Variants in PRDM12 observed in about 807,000 individuals in gnomAD.
PRDM12 encodes the protein PR/SET domain 12, also known as PR domain zinc finger protein 12.
In PRDM12, 17 loss-of-function variants were observed where a neutral mutation model predicts 29.6. The ratio of observed to expected loss-of-function variants is 0.57; its 90% CI spans 0.39 to 0.86. The LOEUF (loss-of-function observed/expected upper bound fraction) is 0.86, where lower values mean the gene tolerates loss of function less well. Among genes scored for constraint, PRDM12 ranks in the 40% least tolerant of loss-of-function variants. The pLI, the probability that PRDM12 is intolerant of heterozygous loss-of-function variation, is 0.00. For missense variants in PRDM12, 422 were observed against 510.8 expected (o/e 0.83, Z 1.68); for synonymous variants, 231 against 225.8 (o/e 1.02, Z -0.21).
rs553812619 is a variant in PRDM12 at position 130,667,542 on chromosome 9, C to T, written c.415-616C>T. Among the ~76,000 whole-genome samples, 19 of 149,790 alleles carry T rather than the reference C, an allele frequency of 1.3e-4. No homozygotes were observed. In the East Asian group the frequency reaches 1.6e-3, roughly 13 times the overall value. On this transcript the variant is annotated intron_variant, in intron 2 of 4. Transcript: ENST00000253008. ...GCTCCCCCACTCCAGCTCCCCCCGGCGGACCCTGGAGAAGCCCAACTTGAT... is the reference window on the plus strand; with the variant it reads ...GCTCCCCCACTCCAGCTCCCCCCGGTGGACCCTGGAGAAGCCCAACTTGAT...
Position 130,668,134 on chromosome 9 carries a change from G to A in PRDM12, c.415-24G>A. On this transcript the variant is annotated intron_variant, in intron 2 of 4. Transcript: ENST00000253008. The surrounding 1 kb of genome is among the most constrained non-coding windows in gnomAD (Gnocchi z 4.0). ...CACATGGCATAGCCCTGCCTTACCTGGTCCTTGATCCATCTGTGCCCAGGT... is the reference window on the plus strand; with the variant it reads ...CACATGGCATAGCCCTGCCTTACCTAGTCCTTGATCCATCTGTGCCCAGGT... 6.2e-7 allele frequency: 1 copy of A among 1,613,272 alleles called. No homozygotes were observed. Among genetic ancestry groups the A allele is most frequent in the Middle Eastern group, 1.7e-4 (1 of 6,058 alleles).
At chr9:130,665,769 C>A (rs1866974) in intron 1 of PRDM12, among the ~76,000 whole-genome samples, 62,113 of 152,060 alleles carry the variant, frequency 0.41, 12,976 homozygotes, top group East Asian at 0.71. Context: ...TTTAACCCCC[C>A]CCTTTCAGCC....
In PRDM12 at chr9:130,681,551, C is replaced by T. The variant is rs1238828425; in HGVS notation, c.986C>T (p.Ala329Val). ...GCGCGGCACCGGCCGCCCAGCACCGCGCTGCAGGCACACTCGCCCGCGCTG... is the reference window on the plus strand; with the variant it reads ...GCGCGGCACCGGCCGCCCAGCACCGTGCTGCAGGCACACTCGCCCGCGCTG... Reference protein sequence around the residue: ...KSARHRPPSTALQAHSPALPA... With the variant: ...KSARHRPPSTVLQAHSPALPA... Residue 329 changes from alanine (A) to valine (V), a missense_variant, in exon 5 of 5, where the codon GCG (alanine) becomes GTG (valine). Physicochemically the swap from Ala to Val is moderately conservative, Grantham distance 64. Around this residue, in one of 5 missense-constraint regions of PRDM12, gnomAD observed 66 missense variants for 61.5 expected, o/e 1.07. Transcript: ENST00000253008. The surrounding 1 kb of genome is among the most constrained non-coding windows in gnomAD (Gnocchi z 8.1). 8.0e-7 allele frequency: 1 copy of T among 1,248,172 alleles called. No individual in the cohort carries two copies. The highest frequency in any genetic ancestry group is 1.0e-6 in the Non-Finnish European group (1 of 995,174). 77.3% of individuals were successfully genotyped at this position (1,248,172 alleles called of 1,614,324 possible).
At chr9:130,680,659 A>ATATATATATATATATAT in intron 4 of PRDM12, among the ~76,000 whole-genome samples, 22 of 72,166 alleles carry the variant, frequency 3.0e-4, no homozygotes, top group East Asian at 1.3e-3. Context: ...ATATATATAT[A>ATATATATATATATATAT]TTTTTTTTTT....
chr9:130,668,240 G>A lies in PRDM12; in HGVS notation c.497G>A (p.Cys166Tyr). Residue 166 changes from cysteine (C) to tyrosine (Y), a missense_variant, in exon 3 of 5, where the codon TGT becomes TAT. This residue lies in a region of PRDM12 where 300 missense variants were observed against 350.0 expected (regional missense o/e 0.86). Coordinates refer to ENST00000253008, the MANE Select transcript of PRDM12 (RefSeq NM_021619.3). The surrounding 1 kb of genome is among the most constrained non-coding windows in gnomAD (Gnocchi z 4.0). Reference sequence around the variant, plus strand: ...CGGAGCTGGATGACCTACATCAAGTGTGCACGTAACGAACAGGAGCAGAAC... The same window carrying A: ...CGGAGCTGGATGACCTACATCAAGTATGCACGTAACGAACAGGAGCAGAAC... ...DHRSWMTYIKCARNEQEQNLE... is the reference protein window; with the variant it reads ...DHRSWMTYIKYARNEQEQNLE... 6.2e-7 allele frequency: 1 copy of A among 1,614,208 alleles called. No homozygotes were observed. The highest frequency in any genetic ancestry group is 1.3e-5 in the African/African-American group (1 of 75,054).
chr9:130,678,751 G>A, intron 4 of PRDM12, 111 bp downstream of exon 4: 1 of 846,164 alleles, frequency 1.2e-6, no homozygotes, highest in Non-Finnish European at 1.9e-6. Context: ...CAGGGACCTT[G>A]GTTCAATGTC....
Position 130,681,292 on chromosome 9 carries a change from A to C in PRDM12, c.727A>C (p.Met243Leu). 3 of 1,506,940 alleles carry C rather than the reference A, an allele frequency of 2.0e-6. No individual in the cohort carries two copies. The highest frequency in any genetic ancestry group is 2.7e-6 in the Non-Finnish European group (3 of 1,121,564). 93.3% of individuals were successfully genotyped at this position (1,506,940 alleles called of 1,614,324 possible). Residue 243 changes from methionine to leucine, a missense_variant, in exon 5 of 5, where the codon ATG (methionine) becomes CTG (leucine). Coordinates refer to ENST00000253008, the MANE Select transcript of PRDM12 (RefSeq NM_021619.3). The surrounding 1 kb of genome is among the most constrained non-coding windows in gnomAD (Gnocchi z 8.1). ...ADSAAGPAGR[M>L]RCVICHRGFN... ...CTCGGCGGCTGGCCCCGCGGGCCGC[A>C]TGCGATGCGTCATCTGCCACCGCGG...
intron 3 of PRDM12, among the ~76,000 whole-genome samples, chr9:130,669,603 C>G (rs1830768897): frequency 6.6e-6 from 1 of 151,010 alleles, no homozygotes; most frequent in African/African-American, 2.4e-5. Flanking sequence ...ATCACGAGGC[C>G]AGGAGATCGA....
At position 130,668,453 on chromosome 9, in the gene PRDM12, G is replaced by T; in HGVS notation, c.570+140G>T. ...GCCTCGCTGGCTCTGCGCAGGCCAT[G>T]GGGCTGTGGCAGACAGGTGGGTCTC... On this transcript the variant is annotated intron_variant, in intron 3 of 4. Transcript: ENST00000253008. The surrounding 1 kb of genome is among the most constrained non-coding windows in gnomAD (Gnocchi z 4.0). 7.3e-7 allele frequency: 1 copy of T among 1,374,458 alleles called. No individual in the cohort carries two copies. The highest frequency in any genetic ancestry group is 9.9e-7 in the Non-Finnish European group (1 of 1,005,812). 85.1% of individuals were successfully genotyped at this position (1,374,458 alleles called of 1,614,324 possible). A position where few individuals can be genotyped will look rare whatever the true frequency, so the allele number is the denominator to read the frequency against.
At chr9:130,670,650 C>G (rs552365779) in intron 3 of PRDM12, among the ~76,000 whole-genome samples, 85 of 152,278 alleles carry the variant, frequency 5.6e-4, no homozygotes, top group Middle Eastern at 3.4e-3. Context: ...AGAATGCACC[C>G]TCCCAGATCC....
chr9:130,665,426 A>G (rs1459520375), intron 1 of PRDM12, among the ~76,000 whole-genome samples: 1 of 152,142 alleles, frequency 6.6e-6, no homozygotes, highest in African/African-American at 2.4e-5. Flanking sequence ...TTCCTCATTC[A>G]TCAACCCGCA....
In PRDM12 at chr9:130,681,240, G is replaced by C; in HGVS notation, c.683-8G>C. On this transcript the variant is annotated splice_region_variant and splice_polypyrimidine_tract_variant and intron_variant, in intron 4 of 4. Transcript: ENST00000253008. This position sits in a 1 kb window ranked among gnomAD's most constrained non-coding sequence, Gnocchi z 8.1. ...CCCTTCCCCCGCCCCGCCCCGCCCC[G>C]CGGCCAGAGGACTTCCACCCGGCGG... The C allele has an allele frequency of 6.9e-7, 1 of 1,449,418 alleles. No homozygotes were observed. Among genetic ancestry groups the C allele is most frequent in the Non-Finnish European group, 9.1e-7 (1 of 1,096,692 alleles). 89.8% of individuals were successfully genotyped at this position (1,449,418 alleles called of 1,614,324 possible).
chr9:130,681,725 C>A lies in PRDM12; in HGVS notation c.*56C>A. On this transcript the variant is annotated 3_prime_UTR_variant, in exon 5 of 5. Transcript: ENST00000253008. The surrounding 1 kb of genome is among the most constrained non-coding windows in gnomAD (Gnocchi z 8.1). Reference sequence around the variant, plus strand: ...GCTCCTGGGTCCCCGGCACCCCGGCCCCGCAGCGCGACTCGCCCTCCAGCC... The same window carrying A: ...GCTCCTGGGTCCCCGGCACCCCGGCACCGCAGCGCGACTCGCCCTCCAGCC... 1.0e-6 allele frequency: 1 copy of A among 979,408 alleles called. No homozygotes were observed. Among genetic ancestry groups the A allele is most frequent in the Non-Finnish European group, 1.2e-6 (1 of 826,056 alleles). The allele number at this position is 979,408 out of a possible 1,614,324, so 60.7% of individuals were successfully genotyped here. A position where few individuals can be genotyped will look rare whatever the true frequency, so the allele number is the denominator to read the frequency against.
intron 4 of PRDM12, among the ~76,000 whole-genome samples, chr9:130,680,659 A>ATATATATTTTTTTTT: frequency 1.2e-4 from 9 of 72,196 alleles, no homozygotes; most frequent in African/African-American, 7.0e-4. Context: ...ATATATATAT[A>ATATATATTTTTTTTT]TTTTTTTTTT....
Position 130,681,313 on chromosome 9 carries a change from C to G in PRDM12, c.748C>G (p.Arg250Gly). 6.5e-7 allele frequency: 1 copy of G among 1,541,630 alleles called. No individual in the cohort carries two copies. ...AGRMRCVICH[R>G]GFNSRSNLRS... ...CCGCATGCGATGCGTCATCTGCCAC[C>G]GCGGCTTCAACTCGCGCAGCAACCT... The change falls in exon 5 of 5, where the codon CGC becomes GGC. Residue 250 changes from arginine to glycine, a missense_variant. By Grantham distance (125) the Arg-to-Gly change is moderately radical (BLOSUM62 -2). Coordinates refer to ENST00000253008, the MANE Select transcript of PRDM12 (RefSeq NM_021619.3). The surrounding 1 kb of genome is among the most constrained non-coding windows in gnomAD (Gnocchi z 8.1).
At chr9:130,672,601 G>A (rs1461190811) in intron 3 of PRDM12, among the ~76,000 whole-genome samples, 3 of 152,194 alleles carry the variant, frequency 2.0e-5, no homozygotes, top group Admixed American at 2.0e-4. Context: ...GGAAGTTGCT[G>A]AGCTGCGATG....
Position 130,664,744 on chromosome 9 carries a change from G to C in PRDM12, c.91G>C (p.Asp31His), listed in dbSNP as rs879255637. Residue 31 changes from aspartate to histidine, a missense_variant, in exon 1 of 5, where the codon GAC becomes CAC. Around this residue, in one of 5 missense-constraint regions of PRDM12, gnomAD observed 300 missense variants for 350.0 expected, o/e 0.86. Transcript: ENST00000253008. This position sits in a 1 kb window ranked among gnomAD's most constrained non-coding sequence, Gnocchi z 6.4. Reference protein sequence around the residue: ...GLALAEVITSDILHSFLYGRW... With the variant: ...GLALAEVITSHILHSFLYGRW... ...GGCGCTGGCCGAGGTTATCACCTCC[G>C]ACATCCTGCACAGCTTCCTGTACGG... 2.5e-6 allele frequency: 4 copies of C among 1,610,668 alleles called. No individual in the cohort carries two copies. The highest frequency in any genetic ancestry group is 3.4e-6 in the Non-Finnish European group (4 of 1,179,680).
intron 4 of PRDM12, among the ~76,000 whole-genome samples, chr9:130,680,962 C>T (rs1267329941): frequency 1.3e-5 from 2 of 152,084 alleles, no homozygotes; most frequent in Middle Eastern, 3.2e-3. Flanking sequence ...GCTAGCTTTC[C>T]ATTTTACAGA....
At position 130,678,706 on chromosome 9, in the gene PRDM12, G is replaced by A. The variant is rs1830865880; in HGVS notation, c.682+66G>A. 17 of 1,285,560 alleles carry A rather than the reference G, an allele frequency of 1.3e-5. No individual in the cohort carries two copies. In the South Asian group the frequency reaches 1.7e-4, roughly 13 times the overall value. 79.6% of individuals were successfully genotyped at this position (1,285,560 alleles called of 1,614,324 possible). ...GAGAGGGGAGCCCAGGGAGGGGAGA[G>A]AGAGAATGAGAGAGGCAGAGAGGCT... On this transcript the variant is annotated intron_variant, in intron 4 of 4. Transcript: ENST00000253008.
Sources: allele counts gnomAD v4.1 joint callset (sites outside exome capture counted in the v4.1 genomes callset), GRCh38; gene constraint gnomAD v4.1.1; regional missense constraint gnomAD v4.1.1; non-coding constraint Gnocchi (gnomAD v3.1); transcripts MANE v1.5; gene names NCBI Gene and HGNC (gene_info 2026-07-23, HGNC 2026-07-21).